The following ZNF384 variants were observed in gnomAD, a reference collection of about 807,000 sequenced individuals.
ZNF384 encodes the protein CAG repeat protein 1.
Under a neutral mutation model 65.0 loss-of-function variants are expected in ZNF384, and 20 were observed. The observed-to-expected ratio is 0.31, with a 90% CI of 0.22 to 0.45. The LOEUF (loss-of-function observed/expected upper bound fraction) is 0.45. Ranked by LOEUF, ZNF384 falls within the 20% of genes least tolerant of loss-of-function variation. The probability of loss-of-function intolerance (pLI) is 1.00; values close to 1 mark genes in which losing one functional copy is unlikely to be tolerated. For missense variants in ZNF384, 549 were observed against 769.4 expected (o/e 0.71, Z 3.39); for synonymous variants, 310 against 303.9 (o/e 1.02, Z -0.21).
chr12:6,681,703 A>G (rs1386537771), intron 2 of ZNF384, among the ~76,000 whole-genome samples: 3 of 152,160 alleles, frequency 2.0e-5, no homozygotes, highest in Non-Finnish European at 4.4e-5. Flanking sequence ...TTACTCTAAC[A>G]TAACTCTGTT....
At position 6,672,499 on chromosome 12, in the gene ZNF384, C is replaced by T. The variant is rs1951878428; in HGVS notation, c.1038G>A (p.Lys346=). 3 of 1,614,022 alleles carry T rather than the reference C, an allele frequency of 1.9e-6. No homozygotes were observed. The East Asian group carries it at 6.7e-5, about 36-fold the overall frequency. Residue 346 remains lysine, a synonymous_variant, in exon 9 of 12, where the codon AAG becomes AAA. Transcript: ENST00000683879. This position sits in a 1 kb window ranked among gnomAD's most constrained non-coding sequence, Gnocchi z 4.4. ...TGGAGCAGTGCGGGCACTTGTGGGG[C>T]TTGATGGTCTCCGTGTGCATCTTGG... ...IHSKMHTETI[K]PHKCPHCSKT...
intron 3 of ZNF384, 42 bp from the exon 4 acceptor site, chr12:6,679,225 G>C: frequency 6.7e-7 from 1 of 1,495,094 alleles, no homozygotes; most frequent in Non-Finnish European, 9.1e-7. Context: ...TCTTCAGCCT[G>C]AGAGGCTGAT....
At position 6,673,151 on chromosome 12, in the gene ZNF384, A is replaced by T; in HGVS notation, c.1004+65T>A. On this transcript the variant is annotated intron_variant, in intron 8 of 11. Coordinates refer to ENST00000683879, the MANE Select transcript of ZNF384 (RefSeq NM_001385745.1). This position sits in a 1 kb window ranked among gnomAD's most constrained non-coding sequence, Gnocchi z 4.7. ...GAATAATACATGTGGAGAGAGGAGT[A>T]GGTGCAGGCAACATGGTCTTAGGGT... 7.1e-7 allele frequency: 1 copy of T among 1,405,182 alleles called. No homozygotes were observed. Among genetic ancestry groups the T allele is most frequent in the Admixed American group, 1.9e-5 (1 of 52,634 alleles). The allele number at this position is 1,405,182 out of a possible 1,614,324, so 87.0% of individuals were successfully genotyped here.
At chr12:6,681,537 G>A (rs1955951280) in intron 2 of ZNF384, among the ~76,000 whole-genome samples, 1 of 152,146 alleles carries the variant, frequency 6.6e-6, no homozygotes, top group Non-Finnish European at 1.5e-5. Context: ...AGGTTCAGGT[G>A]GGGAAGACCC....
intron 10 of ZNF384, 73 bp downstream of exon 10, chr12:6,670,687 T>G: frequency 6.9e-6 from 10 of 1,456,940 alleles, no homozygotes; most frequent in Non-Finnish European, 6.7e-6. Flanking sequence ...TGAAAACATT[T>G]GAGAACCACG....
intron 7 of ZNF384, among the ~76,000 whole-genome samples, chr12:6,674,079 T>C (rs1400417098): frequency 6.6e-6 from 1 of 152,162 alleles, no homozygotes; most frequent in Non-Finnish European, 1.5e-5. Flanking sequence ...CCACAGCCCC[T>C]TGACAATCAA....
intron 2 of ZNF384, 110 bp downstream of exon 2, chr12:6,688,057 G>A (rs1187622179): frequency 6.6e-6 from 1 of 152,512 alleles, no homozygotes; most frequent in Non-Finnish European, 1.5e-5. Flanking sequence ...CATTACAATT[G>A]CTATTACTTT....
chr12:6,672,561 G>T lies in ZNF384; in HGVS notation c.1005-29C>A, dbSNP rs779944991. On this transcript the variant is annotated intron_variant, in intron 8 of 11. Coordinates refer to ENST00000683879, the MANE Select transcript of ZNF384 (RefSeq NM_001385745.1). The surrounding 1 kb of genome is among the most constrained non-coding windows in gnomAD (Gnocchi z 4.4). ...CCGGAGAGGAGAGGAGGGAAGGGGG[G>T]AGGAGGAAGCAGTTCGACACCAGGG... 6.2e-7 allele frequency: 1 copy of T among 1,608,532 alleles called. No individual in the cohort carries two copies. The highest frequency in any genetic ancestry group is 8.5e-7 in the Non-Finnish European group (1 of 1,176,338).
rs369843333 is a variant in ZNF384, at chr12:6,672,558, G to T, written c.1005-26C>A. 4.3e-6 allele frequency: 7 copies of T among 1,610,330 alleles called. No individual in the cohort carries two copies. The highest frequency in any genetic ancestry group is 5.9e-6 in the Non-Finnish European group (7 of 1,177,462). On this transcript the variant is annotated intron_variant, in intron 8 of 11. Coordinates refer to ENST00000683879, the MANE Select transcript of ZNF384 (RefSeq NM_001385745.1). The surrounding 1 kb of genome is among the most constrained non-coding windows in gnomAD (Gnocchi z 4.4). ...CTGCCGGAGAGGAGAGGAGGGAAGGGGGGAGGAGGAAGCAGTTCGACACCA... is the reference window on the plus strand; with the variant it reads ...CTGCCGGAGAGGAGAGGAGGGAAGGTGGGAGGAGGAAGCAGTTCGACACCA...
In ZNF384 at chr12:6,667,385, T is replaced by C. The variant is rs2136323741; in HGVS notation, c.*329A>G. 1 of 481,536 alleles carries C rather than the reference T, an allele frequency of 2.1e-6. No homozygotes were observed. Among genetic ancestry groups the C allele is most frequent in the African/African-American group, 1.9e-5 (1 of 52,130 alleles). The allele number at this position is 481,536 out of a possible 1,614,324, so 29.8% of individuals were successfully genotyped here. A position where few individuals can be genotyped will look rare whatever the true frequency, so the allele number is the denominator to read the frequency against. Reference sequence around the variant, plus strand: ...GAGGATAAGGAGGGTAAGGATAGGGTAAGTGGCCACACTGGACAAGGTTCT... The same window carrying C: ...GAGGATAAGGAGGGTAAGGATAGGGCAAGTGGCCACACTGGACAAGGTTCT... On this transcript the variant is annotated 3_prime_UTR_variant, in exon 12 of 12. Coordinates refer to ENST00000683879, the MANE Select transcript of ZNF384 (RefSeq NM_001385745.1).
chr12:6,678,794 G>T lies in ZNF384; in HGVS notation c.305-84C>A. 2 of 1,522,822 alleles carry T rather than the reference G, an allele frequency of 1.3e-6. No individual in the cohort carries two copies. Among genetic ancestry groups the T allele is most frequent in the Non-Finnish European group, 1.8e-6 (2 of 1,100,020 alleles). 94.3% of individuals were successfully genotyped at this position (1,522,822 alleles called of 1,614,324 possible). ...TTCTTTGTATCCCCCACAATGCCTA[G>T]CACATTGCTAGGCACACAGTAGGCA... On this transcript the variant is annotated intron_variant, in intron 4 of 11. Transcript: ENST00000683879. The surrounding 1 kb of genome is among the most constrained non-coding windows in gnomAD (Gnocchi z 4.9).
chr12:6,679,638 C>T (rs1955148319), intron 2 of ZNF384, 113 bp from the exon 3 acceptor site: 1 of 762,274 alleles, frequency 1.3e-6, no homozygotes, highest in Non-Finnish European at 2.2e-6. Flanking sequence ...GATCACATGG[C>T]TGGGGACTGG....
rs1952017690 is a variant in ZNF384 at position 6,672,767 on chromosome 12, G to A, written c.1005-235C>T. Among the ~76,000 whole-genome samples the A allele has an allele frequency of 6.6e-6, 1 of 152,152 alleles. No individual in the cohort carries two copies. The highest frequency in any genetic ancestry group is 2.1e-4 in the South Asian group (1 of 4,828). On this transcript the variant is annotated intron_variant, in intron 8 of 11. Transcript: ENST00000683879. This position sits in a 1 kb window ranked among gnomAD's most constrained non-coding sequence, Gnocchi z 4.4. ...GAGATGATGAAGAGCTGCAACCCAT[G>A]GCTCCTGGTAACCTTAAAGTAGTCA... is the stretch of plus-strand genomic sequence containing the variant.
Position 6,672,252 on chromosome 12 carries a change from C to G in ZNF384, c.1187+98G>C. On this transcript the variant is annotated intron_variant, in intron 9 of 11. Coordinates refer to ENST00000683879, the MANE Select transcript of ZNF384 (RefSeq NM_001385745.1). This position sits in a 1 kb window ranked among gnomAD's most constrained non-coding sequence, Gnocchi z 4.4. ...AGGTCTCTCCTCCAGCCAGGTCTCTCCCCCGCCCCCCGCATGCGGGTTGTT... is the reference window on the plus strand; with the variant it reads ...AGGTCTCTCCTCCAGCCAGGTCTCTGCCCCGCCCCCCGCATGCGGGTTGTT... The G allele has an allele frequency of 5.1e-6, 7 of 1,363,658 alleles. No homozygotes were observed. The highest frequency in any genetic ancestry group is 6.9e-6 in the Non-Finnish European group (7 of 1,009,888). The allele number at this position is 1,363,658 out of a possible 1,614,324, so 84.5% of individuals were successfully genotyped here. A position where few individuals can be genotyped will look rare whatever the true frequency, so the allele number is the denominator to read the frequency against.
chr12:6,685,322 C>CAGAA (rs113284446), intron 2 of ZNF384, among the ~76,000 whole-genome samples: 12 of 146,314 alleles, frequency 8.2e-5, no homozygotes, highest in African/African-American at 2.6e-4. Flanking sequence ...GACCCTGTCT[C>CAGAA]AAAAAGAAAA....
Position 6,667,815 on chromosome 12 carries a change from A to G in ZNF384, c.1726T>C (p.Ser576Pro). Reference protein sequence around the residue: ...DSNPNPPPQCSFDLTPYKTAE... With the variant: ...DSNPNPPPQCPFDLTPYKTAE... ...GTCTTATACGGGGTCAGGTCAAAGG[A>G]ACACTGGGGTGGAGGGTTGGGATTG... The change falls in exon 12 of 12, where the codon TCC (serine) becomes CCC (proline). Residue 576 changes from serine (S) to proline (P), a missense_variant. By Grantham distance (74) the Ser-to-Pro change is moderately conservative. This residue lies in a region of ZNF384 where 136 missense variants were observed against 183.0 expected (regional missense o/e 0.74). Coordinates refer to ENST00000683879, the MANE Select transcript of ZNF384 (RefSeq NM_001385745.1). 2 of 1,614,162 alleles carry G rather than the reference A, an allele frequency of 1.2e-6. No homozygotes were observed. Among genetic ancestry groups the G allele is most frequent in the Non-Finnish European group, 1.7e-6 (2 of 1,180,012 alleles).
At chr12:6,669,338 A>C (rs1359451876) in intron 10 of ZNF384, 149 bp from the exon 11 acceptor site, 6 of 818,968 alleles carry the variant, frequency 7.3e-6, no homozygotes, top group Non-Finnish European at 9.4e-6. Flanking sequence ...ATGAAACTTG[A>C]GAAGCTACAG....
In ZNF384 at chr12:6,673,374, G is replaced by A. The variant is rs375031699; in HGVS notation, c.846C>T (p.Thr282=). The change falls in exon 8 of 12, where the codon ACC becomes ACT. Residue 282 remains threonine (T), a synonymous_variant. Transcript: ENST00000683879. This position sits in a 1 kb window ranked among gnomAD's most constrained non-coding sequence, Gnocchi z 4.7. ...SEMQIHSKSH[T]ETKPHKCPHC... is the part of the protein sequence containing the mutation. ...GTGGGCACTTGTGGGGCTTGGTCTC[G>A]GTGTGTGACTTGGAGTGGATCTGCA... 1.8e-5 allele frequency: 29 copies of A among 1,613,984 alleles called. No homozygotes were observed. The African/African-American group carries it at 2.8e-4, about 16-fold the overall frequency.
At position 6,672,121 on chromosome 12, in the gene ZNF384, A is replaced by G. The variant is rs1329717191; in HGVS notation, c.1187+229T>C. 3 of 520,566 alleles carry G rather than the reference A, an allele frequency of 5.8e-6. No individual in the cohort carries two copies. Among genetic ancestry groups the G allele is most frequent in the African/African-American group, 5.7e-5 (3 of 52,270 alleles). The allele number at this position is 520,566 out of a possible 1,614,324, so 32.2% of individuals were successfully genotyped here. A position where few individuals can be genotyped will look rare whatever the true frequency, so the allele number is the denominator to read the frequency against. ...GTCTGTCTCCCATGGATCAGTGAATATCATATAGTCACTGCAGCTCCCCGA... is the reference window on the plus strand; with the variant it reads ...GTCTGTCTCCCATGGATCAGTGAATGTCATATAGTCACTGCAGCTCCCCGA... On this transcript the variant is annotated intron_variant, in intron 9 of 11. Coordinates refer to ENST00000683879, the MANE Select transcript of ZNF384 (RefSeq NM_001385745.1). The surrounding 1 kb of genome is among the most constrained non-coding windows in gnomAD (Gnocchi z 4.4).
Sources: gnomAD v4.1 joint callset for allele counts (sites outside exome capture counted in the v4.1 genomes callset) on GRCh38, gnomAD v4.1.1 for gene constraint, gnomAD v4.1.1 regional missense constraint, Gnocchi (gnomAD v3.1) non-coding constraint, MANE v1.5 for transcripts, NCBI Gene and HGNC (gene_info 2026-07-23, HGNC 2026-07-21) for gene names.